The following IL17D variants were observed in gnomAD, a reference collection of about 807,000 sequenced individuals.
IL17D encodes the protein interleukin-17D.
IL17D carries 10 observed loss-of-function variants against 5.7 expected under a neutral mutation model. That is an observed-to-expected ratio of 1.75 (90% CI 1.08 to 2.97). The LOEUF (loss-of-function observed/expected upper bound fraction) is 2.97. Ranked by LOEUF, IL17D falls within the 30% of genes most tolerant of loss-of-function variation. The pLI, the probability that IL17D is intolerant of heterozygous loss-of-function variation, is 0.00. For synonymous variants in IL17D, 172 were observed against 141.7 expected (o/e 1.21, Z -1.52); for missense variants, 354 against 292.7 (o/e 1.21, Z -1.53).
intron 1 of IL17D, among the ~76,000 whole-genome samples, chr13:20,715,096 T>C (rs2141392299): frequency 6.6e-6 from 1 of 152,278 alleles, no homozygotes; most frequent in Admixed American, 6.5e-5. Flanking sequence ...AAAGGGAAAG[T>C]GAGAGATCGG....
intron 1 of IL17D, among the ~76,000 whole-genome samples, chr13:20,714,627 G>C (rs2058664448): frequency 6.6e-6 from 1 of 152,230 alleles, no homozygotes; most frequent in Non-Finnish European, 1.5e-5. Context: ...TTGCACCAAA[G>C]TCAACCTCAG....
Position 20,716,151 on chromosome 13 carries a change from C to A in IL17D, c.291-5485C>A. 1 of 965,374 alleles carries A rather than the reference C, an allele frequency of 1.0e-6. No homozygotes were observed. Among genetic ancestry groups the A allele is most frequent in the Non-Finnish European group, 1.2e-6 (1 of 811,682 alleles). The allele number at this position is 965,374 out of a possible 1,614,324, so 59.8% of individuals were successfully genotyped here. On this transcript the variant is annotated intron_variant, in intron 1 of 1. Transcript: ENST00000682841. The surrounding 1 kb of genome is among the most constrained non-coding windows in gnomAD (Gnocchi z 4.2). ...ATCTCTTGCAAAGGTTAGTGTTTTT[C>A]ACAGGACTCTCAGCTCTTGGAGAGG...
chr13:20,720,673 A>C (rs1025870500), intron 1 of IL17D, among the ~76,000 whole-genome samples: 4 of 152,252 alleles, frequency 2.6e-5, no homozygotes, highest in Admixed American at 2.6e-4. Flanking sequence ...CCCCGACTGG[A>C]AGCCTTGGAG....
Position 20,704,225 on chromosome 13 carries a change from G to A in IL17D, c.224G>A (p.Gly75Asp). The A allele has an allele frequency of 7.5e-7, 1 of 1,341,226 alleles. No homozygotes were observed. The highest frequency in any genetic ancestry group is 1.7e-5 in the South Asian group (1 of 59,256). 83.1% of individuals were successfully genotyped at this position (1,341,226 alleles called of 1,614,324 possible). Residue 75 changes from glycine (G) to aspartate (D), a missense_variant, in exon 1 of 2, where the codon GGC becomes GAC. Gly to Asp is a moderately conservative substitution (Grantham distance 94). Transcript: ENST00000682841. Reference protein sequence around the residue: ...QARNASCPAGGRPADRRFRPP... With the variant: ...QARNASCPAGDRPADRRFRPP... ...CGCAACGCGAGCTGCCCGGCAGGGG[G>A]CAGGCCCGCCGACCGCCGCTTCCGG...
At chr13:20,703,273 G>A (rs1206960075), upstream of IL17D, 2 of 986,086 alleles carry the variant, frequency 2.0e-6, no homozygotes, top group Non-Finnish European at 1.2e-6. Context: ...GCCCCATCTC[G>A]GCGCGAATCT....
At chr13:20,714,813 T>C (rs370980022) in intron 1 of IL17D, among the ~76,000 whole-genome samples, 52 of 152,336 alleles carry the variant, frequency 3.4e-4, no homozygotes, top group African/African-American at 1.2e-3. Context: ...TTTCAGAGCT[T>C]CTTGGCAGCA....
chr13:20,704,282 G>C lies in IL17D; in HGVS notation c.281G>C (p.Trp94Ser). 1.6e-6 allele frequency: 2 copies of C among 1,239,314 alleles called. No homozygotes were observed. The highest frequency in any genetic ancestry group is 2.0e-6 in the Non-Finnish European group (2 of 992,924). 76.8% of individuals were successfully genotyped at this position (1,239,314 alleles called of 1,614,324 possible). Reference protein sequence around the residue: ...PPTNLRSVSPWAYRISYDPAR... With the variant: ...PPTNLRSVSPSAYRISYDPAR... ...ACCAACCTGCGCAGCGTGTCGCCCT[G>C]GGCCTACAGGTGAGCCGCGGGCGCG... is the stretch of plus-strand genomic sequence containing the variant. The change falls in exon 1 of 2, where the codon TGG becomes TCG. Residue 94 changes from tryptophan (W) to serine (S), a missense_variant. By Grantham distance (177) the Trp-to-Ser change is radical. Transcript: ENST00000682841.
Position 20,721,717 on chromosome 13 carries a change from C to G in IL17D, c.372C>G (p.Phe124Leu). The change falls in exon 2 of 2, where the codon TTC becomes TTG. Residue 124 changes from phenylalanine (F) to leucine (L), a missense_variant. Physicochemically the swap from Phe to Leu is conservative, Grantham distance 22 (BLOSUM62 0). Transcript: ENST00000682841. ...CLCRGCLTGLFGEEDVRFRSA... is the reference protein window; with the variant it reads ...CLCRGCLTGLLGEEDVRFRSA... ...GCCGGGGCTGCCTGACCGGGCTGTT[C>G]GGCGAGGAGGACGTGCGCTTCCGCA... is the stretch of plus-strand genomic sequence containing the variant. 2 of 1,611,354 alleles carry G rather than the reference C, an allele frequency of 1.2e-6. No individual in the cohort carries two copies. The highest frequency in any genetic ancestry group is 1.7e-6 in the Non-Finnish European group (2 of 1,179,412).
intron 1 of IL17D, among the ~76,000 whole-genome samples, chr13:20,704,595 C>T (rs2058576334): frequency 6.6e-6 from 1 of 151,842 alleles, no homozygotes; most frequent in Non-Finnish European, 1.5e-5. Context: ...TCCTAAACTG[C>T]GAAGGCCCAC....
chr13:20,706,153 C>T (rs1201511595), intron 1 of IL17D, among the ~76,000 whole-genome samples: 1 of 152,182 alleles, frequency 6.6e-6, no homozygotes, highest in Non-Finnish European at 1.5e-5. Context: ...GGTGGGACCC[C>T]TCCCGCCCTT....
intron 1 of IL17D, chr13:20,712,652 T>G (rs1389493479): frequency 1.3e-5 from 2 of 151,440 alleles, no homozygotes; most frequent in East Asian, 3.9e-4. Flanking sequence ...TTTATGCACT[T>G]TCAAATGTGT....
intron 1 of IL17D, among the ~76,000 whole-genome samples, chr13:20,718,654 A>C (rs1164332438): frequency 1.2e-5 from 1 of 85,874 alleles, no homozygotes; most frequent in African/African-American, 4.7e-5. Context: ...ACACCTGCCC[A>C]CTTACATGCC....
At chr13:20,710,362 C>T (rs2058624907) in intron 1 of IL17D, among the ~76,000 whole-genome samples, 1 of 149,964 alleles carries the variant, frequency 6.7e-6, no homozygotes, top group Non-Finnish European at 1.5e-5. Context: ...ACCTGTAATC[C>T]CAGCGCTTTG....
At chr13:20,707,811 C>T (rs1371332651) in intron 1 of IL17D, among the ~76,000 whole-genome samples, 2 of 152,240 alleles carry the variant, frequency 1.3e-5, no homozygotes, top group Admixed American at 1.3e-4. Context: ...AGGCGTAAGC[C>T]ATGGTGCCAG....
At chr13:20,704,857 C>T (rs1267704597) in intron 1 of IL17D, among the ~76,000 whole-genome samples, 1 of 152,098 alleles carries the variant, frequency 6.6e-6, no homozygotes, top group African/African-American at 2.4e-5. Context: ...CCAGAGGCTG[C>T]TGGAGTGGAG....
intron 1 of IL17D, among the ~76,000 whole-genome samples, chr13:20,718,605 T>A (rs2058700096): frequency 1.3e-5 from 1 of 76,852 alleles, no homozygotes; most frequent in African/African-American, 5.7e-5. Flanking sequence ...CTGCCCACAC[T>A]CAGACACACC....
In IL17D at chr13:20,716,963, G is replaced by A. The variant is rs1276035128; in HGVS notation, c.291-4673G>A. 1.3e-5 allele frequency: 2 copies of A among 152,234 alleles called. No homozygotes were observed. Among genetic ancestry groups the A allele is most frequent in the Non-Finnish European group, 2.9e-5 (2 of 68,056 alleles). 9.4% of individuals were successfully genotyped at this position (152,234 alleles called of 1,614,324 possible). On this transcript the variant is annotated intron_variant, in intron 1 of 1. Transcript: ENST00000682841. This position sits in a 1 kb window ranked among gnomAD's most constrained non-coding sequence, Gnocchi z 4.2. Reference sequence around the variant, plus strand: ...GGGCATCAGTTAGAGGACACATCAGGTGGCCCGATCCTCCCTCGGAATGTG... The same window carrying A: ...GGGCATCAGTTAGAGGACACATCAGATGGCCCGATCCTCCCTCGGAATGTG...
intron 1 of IL17D, among the ~76,000 whole-genome samples, chr13:20,704,493 G>A (rs2058575202): frequency 8.7e-6 from 1 of 114,300 alleles, no homozygotes; most frequent in African/African-American, 3.4e-5. Context: ...TGCGGGGCGA[G>A]ACAGGGTAGG....
chr13:20,702,393 AAATACCAAAGCTGCAAACCAT>A (rs1249261789), upstream of IL17D: 1 of 152,238 alleles, frequency 6.6e-6, no homozygotes, highest in East Asian at 1.9e-4. Flanking sequence ...CAATTCAGTC[AAATACCAAAGCTGCAAACCAT>A]TTAGGGAGTC....
Sources: allele counts gnomAD v4.1 joint callset (sites outside exome capture counted in the v4.1 genomes callset), GRCh38; gene constraint gnomAD v4.1.1; non-coding constraint Gnocchi (gnomAD v3.1); transcripts MANE v1.5; gene names NCBI Gene and HGNC (gene_info 2026-07-23, HGNC 2026-07-21).